The following RHBDL1 variants were observed in gnomAD, a reference collection of about 807,000 sequenced individuals.
The protein encoded by RHBDL1 is rhomboid-related protein 1.
In RHBDL1, 21 loss-of-function variants were observed where a neutral mutation model predicts 34.0. The observed-to-expected ratio is 0.62, with a 90% CI of 0.44 to 0.89. The LOEUF (loss-of-function observed/expected upper bound fraction) is 0.89. RHBDL1 is among the 40% of genes least tolerant of loss of function. The pLI, the probability that RHBDL1 is intolerant of heterozygous loss-of-function variation, is 0.00. For synonymous variants in RHBDL1, 268 were observed against 234.8 expected, an observed-to-expected ratio of 1.14 and a Z score of -1.29; for missense variants, 450 against 530.6, an observed-to-expected ratio of 0.85 and a Z score of 1.49.
rs984285997 is a variant in RHBDL1 at position 675,988 on chromosome 16, G to A, written c.39+159G>A. The A allele has an allele frequency of 2.8e-5, 40 of 1,405,852 alleles. No individual in the cohort carries two copies. In the African/African-American group the frequency reaches 5.0e-4, roughly 18 times the overall value. 87.1% of individuals were successfully genotyped at this position (1,405,852 alleles called of 1,614,324 possible). A position where few individuals can be genotyped will look rare whatever the true frequency, so the allele number is the denominator to read the frequency against. ...CCGTGTGTCTGGGACCCCAGGAGAG[G>A]ACTGACTGGACCAGAGCTCCTGGCT... On this transcript the variant is annotated intron_variant, in intron 1 of 7. Coordinates refer to ENST00000352681, the MANE Select transcript of RHBDL1 (RefSeq NM_001278720.2).
chr16:677,581 G>A, intron 6 of RHBDL1, 22 bp downstream of exon 6: 3 of 1,607,690 alleles, frequency 1.9e-6, no homozygotes, highest in Non-Finnish European at 2.5e-6. Context: ...GCCCGGTGGG[G>A]GGCGTGGGGA....
chr16:676,564 C>T lies in RHBDL1; in HGVS notation c.201+67C>T, dbSNP rs1275610679. ...GGCCAGAGGAGGCGGGCAGGCAGCT[C>T]CTCACGGCGGTGGGTGGGGGGCTTG... On this transcript the variant is annotated intron_variant, in intron 2 of 7. Transcript: ENST00000352681. The surrounding 1 kb of genome is among the most constrained non-coding windows in gnomAD (Gnocchi z 6.9). 7 of 1,571,338 alleles carry T rather than the reference C, an allele frequency of 4.5e-6. No homozygotes were observed. The South Asian group carries it at 5.7e-5, about 13-fold the overall frequency.
At position 677,379 on chromosome 16, in the gene RHBDL1, G is replaced by A. The variant is rs2039566418; in HGVS notation, c.679G>A (p.Val227Met). The change falls in exon 5 of 8, where the codon GTG becomes ATG. Residue 227 changes from valine (V) to methionine (M), a missense_variant. Val to Met is a conservative substitution (Grantham distance 21, BLOSUM62 1). Transcript: ENST00000352681. ...CATCAGCCTGCTCTACCTGGCAGGCGTGCTGGCAGGTGAGGCAGGCGCGCA... is the reference window on the plus strand; with the variant it reads ...CATCAGCCTGCTCTACCTGGCAGGCATGCTGGCAGGTGAGGCAGGCGCGCA... Reference protein sequence around the residue: ...LRISLLYLAGVLAGSLTVSIT... With the variant: ...LRISLLYLAGMLAGSLTVSIT... 1.3e-6 allele frequency: 2 copies of A among 1,572,044 alleles called. No individual in the cohort carries two copies. The highest frequency in any genetic ancestry group is 1.4e-5 in the African/African-American group (1 of 73,902).
At position 675,870 on chromosome 16, in the gene RHBDL1, A is replaced by G. The variant is rs776826600; in HGVS notation, c.39+41A>G. 226 of 1,486,646 alleles carry G rather than the reference A, an allele frequency of 1.5e-4. 1 individual carries two copies. The highest frequency in any genetic ancestry group is 8.8e-4 in the Middle Eastern group (5 of 5,684). 92.1% of individuals were successfully genotyped at this position (1,486,646 alleles called of 1,614,324 possible). ...GTCTGGGGAGCTGGCACCGCCCCCAATGCGGCCCTCCTGCCGCTGAGCTGA... is the reference window on the plus strand; with the variant it reads ...GTCTGGGGAGCTGGCACCGCCCCCAGTGCGGCCCTCCTGCCGCTGAGCTGA... On this transcript the variant is annotated intron_variant, in intron 1 of 7. Transcript: ENST00000352681.
Position 676,655 on chromosome 16 carries a change from C to G in RHBDL1, c.202-17C>G, listed in dbSNP as rs1272967227. 5 of 1,609,048 alleles carry G rather than the reference C, an allele frequency of 3.1e-6. No homozygotes were observed. Among genetic ancestry groups the G allele is most frequent in the South Asian group, 1.1e-5 (1 of 91,020 alleles). ...CATGGGGAGGTCCGTGGCCCACACT[C>G]AGGCCCCTGCCCCCAGATCAGCAGC... On this transcript the variant is annotated splice_polypyrimidine_tract_variant and intron_variant, in intron 2 of 7. Coordinates refer to ENST00000352681, the MANE Select transcript of RHBDL1 (RefSeq NM_001278720.2). The surrounding 1 kb of genome is among the most constrained non-coding windows in gnomAD (Gnocchi z 6.9).
chr16:677,827 G>A lies in RHBDL1; in HGVS notation c.897G>A (p.Pro299=), dbSNP rs536311737. Residue 299 remains proline (P), a synonymous_variant, in exon 8 of 8, where the codon CCG becomes CCA. Coordinates refer to ENST00000352681, the MANE Select transcript of RHBDL1 (RefSeq NM_001278720.2). The part of the protein sequence containing the change: ...GRAVWLRFSP[P]LPASGPQPSF... ...CCGTGTGGCTGCGCTTCTCCCCGCC[G>A]CTGCCCGCCTCGGGCCCACAGCCCA... The A allele has an allele frequency of 8.9e-6, 14 of 1,580,086 alleles. No individual in the cohort carries two copies. The East Asian group carries it at 1.4e-4, about 15-fold the overall frequency.
intron 5 of RHBDL1, 24 bp downstream of exon 5, chr16:677,412 C>A: frequency 2.5e-6 from 4 of 1,572,762 alleles, no homozygotes; most frequent in Non-Finnish European, 3.4e-6. Flanking sequence ...GCACCCCCGC[C>A]CCCTGCCCTG....
rs758848367 is a variant in RHBDL1 at position 676,996 on chromosome 16, C to T, written c.452C>T (p.Ala151Val). ...AQIIVFLCYGARLNKWVLQTY... is the reference protein window; with the variant it reads ...AQIIVFLCYGVRLNKWVLQTY... ...ATCATCGTGTTCCTGTGTTACGGGG[C>T]CCGCCTCAACAAGTGGGTGCTGCAG... is the stretch of plus-strand genomic sequence containing the variant. Residue 151 changes from alanine to valine, a missense_variant, in exon 4 of 8, where the codon GCC (alanine) becomes GTC (valine). By Grantham distance (64) the Ala-to-Val change is moderately conservative (BLOSUM62 0). Coordinates refer to ENST00000352681, the MANE Select transcript of RHBDL1 (RefSeq NM_001278720.2). This position sits in a 1 kb window ranked among gnomAD's most constrained non-coding sequence, Gnocchi z 6.9. The T allele has an allele frequency of 3.1e-6, 5 of 1,612,558 alleles. No homozygotes were observed. The African/African-American group carries it at 5.3e-5, about 17-fold the overall frequency.
chr16:675,754 G>T lies in RHBDL1; in HGVS notation c.-37G>T. On this transcript the variant is annotated 5_prime_UTR_variant, in exon 1 of 8. Coordinates refer to ENST00000352681, the MANE Select transcript of RHBDL1 (RefSeq NM_001278720.2). ...CGCAGAGCAGCCCCTCCCGGCCGCG[G>T]CCGCCGACCCCGGACCCCGGCCCCC... The T allele has an allele frequency of 7.1e-7, 1 of 1,415,048 alleles. No individual in the cohort carries two copies. The highest frequency in any genetic ancestry group is 9.3e-7 in the Non-Finnish European group (1 of 1,071,594). The allele number at this position is 1,415,048 out of a possible 1,614,324, so 87.7% of individuals were successfully genotyped here.
Position 676,958 on chromosome 16 carries a change from CTCGTGTCCCCAGATCA to C in RHBDL1, c.427-6_436del. 6.2e-7 allele frequency: 1 copy of C among 1,612,134 alleles called. No individual in the cohort carries two copies. Among genetic ancestry groups the C allele is most frequent in the Non-Finnish European group, 8.5e-7 (1 of 1,179,500 alleles). ...GCTCCTGGCCATGACCAGCCTAACA[CTCGTGTCCCCAGATCA>C]TCGTGTTCCTGTGTTACGGGGCCCG... On this transcript the variant is annotated splice_acceptor_variant and splice_polypyrimidine_tract_variant and coding_sequence_variant and intron_variant, in exon 4 of 8. Coordinates refer to ENST00000352681, the MANE Select transcript of RHBDL1 (RefSeq NM_001278720.2). LOFTEE classifies it high-confidence loss of function. The surrounding 1 kb of genome is among the most constrained non-coding windows in gnomAD (Gnocchi z 6.9).
Position 676,881 on chromosome 16 carries a change from G to A in RHBDL1, c.411G>A (p.Ser137=), listed in dbSNP as rs200235338. Reference sequence around the variant, plus strand: ...GCCCACCCCCCGTGTTCATGGCCTCGGTCACTCTTGCCCAGGTGGGCCCCC... The same window carrying A: ...GCCCACCCCCCGTGTTCATGGCCTCAGTCACTCTTGCCCAGGTGGGCCCCC... ...RSCPPPVFMA[S]VTLAQIIVFL... is the part of the protein sequence containing the mutation. The change falls in exon 3 of 8, where the codon TCG becomes TCA. Residue 137 remains serine, a synonymous_variant. Coordinates refer to ENST00000352681, the MANE Select transcript of RHBDL1 (RefSeq NM_001278720.2). The surrounding 1 kb of genome is among the most constrained non-coding windows in gnomAD (Gnocchi z 6.9). 327 of 1,611,724 alleles carry A rather than the reference G, an allele frequency of 2.0e-4. 1 individual carries two copies. In the East Asian group the frequency reaches 6.4e-3, roughly 32 times the overall value.
At position 678,162 on chromosome 16, in the gene RHBDL1, T is replaced by G. The variant is rs962193045; in HGVS notation, c.*110T>G. ...GACGTCTCAGGGCTGCTGTGCCCCT[T>G]GGGTGTGGGTGGCCTCAAAGGAGGC... On this transcript the variant is annotated 3_prime_UTR_variant, in exon 8 of 8. Transcript: ENST00000352681. 5.0e-5 allele frequency: 70 copies of G among 1,400,278 alleles called. No individual in the cohort carries two copies. The highest frequency in any genetic ancestry group is 6.2e-5 in the Non-Finnish European group (67 of 1,083,598). 86.7% of individuals were successfully genotyped at this position (1,400,278 alleles called of 1,614,324 possible). A position where few individuals can be genotyped will look rare whatever the true frequency, so the allele number is the denominator to read the frequency against.
In RHBDL1 at chr16:676,101, G is replaced by C. The variant is rs2039534889; in HGVS notation, c.40-235G>C. 6.9e-7 allele frequency: 1 copy of C among 1,446,872 alleles called. No homozygotes were observed. Among genetic ancestry groups the C allele is most frequent in the East Asian group, 2.5e-5 (1 of 39,602 alleles). 89.6% of individuals were successfully genotyped at this position (1,446,872 alleles called of 1,614,324 possible). ...TTGGACCTTGGCCCTCGCTTTCCAG[G>C]ATGGGTAGGGTGGAAGACGGGGGAA... On this transcript the variant is annotated intron_variant, in intron 1 of 7. Transcript: ENST00000352681. This position sits in a 1 kb window ranked among gnomAD's most constrained non-coding sequence, Gnocchi z 6.9.
chr16:675,858 G>T (rs747457536), intron 1 of RHBDL1, 29 bp downstream of exon 1: 1 of 1,501,208 alleles, frequency 6.7e-7, no homozygotes, highest in Non-Finnish European at 8.9e-7. Flanking sequence ...TGGGGAGCTG[G>T]CACCGCCCCC....
rs1166838847 is a variant in RHBDL1 at position 678,209 on chromosome 16, C to T, written c.*157C>T. On this transcript the variant is annotated 3_prime_UTR_variant, in exon 8 of 8. Transcript: ENST00000352681. ...AGGCCCTGTCCCAGCCACCCACCCC[C>T]CACTCCCAGGACTTGCGGTCTGAGC... 2 of 1,382,416 alleles carry T rather than the reference C, an allele frequency of 1.4e-6. No homozygotes were observed. The highest frequency in any genetic ancestry group is 3.4e-5 in the Admixed American group (1 of 29,412). The allele number at this position is 1,382,416 out of a possible 1,614,324, so 85.6% of individuals were successfully genotyped here.
At position 676,589 on chromosome 16, in the gene RHBDL1, G is replaced by A; in HGVS notation, c.202-83G>A. ...CCTCACGGCGGTGGGTGGGGGGCTTGTGGATGCGGGGAGCTGGGTGAGCCT... is the reference window on the plus strand; with the variant it reads ...CCTCACGGCGGTGGGTGGGGGGCTTATGGATGCGGGGAGCTGGGTGAGCCT... On this transcript the variant is annotated intron_variant, in intron 2 of 7. Transcript: ENST00000352681. This position sits in a 1 kb window ranked among gnomAD's most constrained non-coding sequence, Gnocchi z 6.9. The A allele has an allele frequency of 1.3e-6, 2 of 1,579,868 alleles. No individual in the cohort carries two copies. Among genetic ancestry groups the A allele is most frequent in the South Asian group, 2.2e-5 (2 of 89,794 alleles).
Position 676,575 on chromosome 16 carries a change from T to G in RHBDL1, c.201+78T>G, listed in dbSNP as rs910624611. 6.4e-7 allele frequency: 1 copy of G among 1,568,738 alleles called. No homozygotes were observed. Reference sequence around the variant, plus strand: ...GCGGGCAGGCAGCTCCTCACGGCGGTGGGTGGGGGGCTTGTGGATGCGGGG... The same window carrying G: ...GCGGGCAGGCAGCTCCTCACGGCGGGGGGTGGGGGGCTTGTGGATGCGGGG... On this transcript the variant is annotated intron_variant, in intron 2 of 7. Coordinates refer to ENST00000352681, the MANE Select transcript of RHBDL1 (RefSeq NM_001278720.2). This position sits in a 1 kb window ranked among gnomAD's most constrained non-coding sequence, Gnocchi z 6.9.
At chr16:675,961 GT>G in intron 1 of RHBDL1, 132 bp downstream of exon 1, 1 of 1,412,272 alleles carries the variant, frequency 7.1e-7, no homozygotes, top group Non-Finnish European at 9.4e-7. Flanking sequence ...CACGACCTTG[GT>G]CCGTGTGTCT....
In RHBDL1 at chr16:676,382, C is replaced by G. The variant is rs745664865; in HGVS notation, c.86C>G (p.Thr29Ser). Reference protein sequence around the residue: ...NTGFIGADTFTGLVHSHELPL... With the variant: ...NTGFIGADTFSGLVHSHELPL... ...GGCTTCATCGGTGCGGACACCTTCA[C>G]TGGCCTGGTGCACAGCCATGAGCTG... is the stretch of plus-strand genomic sequence containing the variant. The change falls in exon 2 of 8, where the codon ACT (threonine) becomes AGT (serine). Residue 29 changes from threonine (T) to serine (S), a missense_variant. Physicochemically the swap from Thr to Ser is moderately conservative, Grantham distance 58. Transcript: ENST00000352681. The surrounding 1 kb of genome is among the most constrained non-coding windows in gnomAD (Gnocchi z 6.9). 10 of 1,609,806 alleles carry G rather than the reference C, an allele frequency of 6.2e-6. No homozygotes were observed. Among genetic ancestry groups the G allele is most frequent in the Non-Finnish European group, 8.5e-6 (10 of 1,179,088 alleles).
Sources: allele counts gnomAD v4.1 joint callset, GRCh38; gene constraint gnomAD v4.1.1; non-coding constraint Gnocchi (gnomAD v3.1); transcripts MANE v1.5; gene names NCBI Gene and HGNC (gene_info 2026-07-23, HGNC 2026-07-21).